Variants in PTPRN2 observed in about 807,000 individuals in gnomAD.
PTPRN2 encodes receptor-type tyrosine-protein phosphatase N2.
PTPRN2 carries 74 observed loss-of-function variants against 118.8 expected under a neutral mutation model. The ratio of observed to expected loss-of-function variants is 0.62; its 90% CI spans 0.52 to 0.76. The LOEUF (loss-of-function observed/expected upper bound fraction) is 0.76. Ranked by LOEUF, PTPRN2 falls within the 30% of genes least tolerant of loss-of-function variation. PTPRN2 has a pLI of 0.00. For missense variants in PTPRN2, 1,481 were observed against 1,394.4 expected (o/e 1.06, Z -0.99); for synonymous variants, 641 against 608.0 (o/e 1.05, Z -0.80).
rs890510884 is a variant in PTPRN2, at chr7:158,104,567, C to G, written c.1643+6262G>C. On this transcript the variant is annotated intron_variant, in intron 10 of 22. Coordinates refer to ENST00000389418, the MANE Select transcript of PTPRN2 (RefSeq NM_002847.5). ...GAGAGAGAACAGGACTGATGGAGGCCTTGTCAGTAGTGGAGGAGAGCTTGA... is the reference window on the plus strand; with the variant it reads ...GAGAGAGAACAGGACTGATGGAGGCGTTGTCAGTAGTGGAGGAGAGCTTGA... 3.9e-5 allele frequency among the ~76,000 whole-genome samples: 6 copies of G among 152,066 alleles called. No homozygotes were observed. In the East Asian group the frequency reaches 1.2e-3, roughly 29 times the overall value.
chr7:157,894,708 G>C (rs1353898852), intron 12 of PTPRN2, among the ~76,000 whole-genome samples: 1 of 152,152 alleles, frequency 6.6e-6, no homozygotes, highest in Non-Finnish European at 1.5e-5. Context: ...ATGTGGCCTT[G>C]GGGTGGATGG....
rs567681354 is a variant in PTPRN2, at chr7:157,987,826, C to G, written c.1724-89089G>C. Among the ~76,000 whole-genome samples, 11 of 152,324 alleles carry G rather than the reference C, an allele frequency of 7.2e-5. No individual in the cohort carries two copies. The South Asian group carries it at 2.3e-3, about 32-fold the overall frequency. ...GAATCTGCTTTTCAATGCAGCATCC[C>G]AGTGGGGTGGCCCCATCACTTCTGA... is the stretch of plus-strand genomic sequence containing the variant. On this transcript the variant is annotated intron_variant, in intron 11 of 22. Transcript: ENST00000389418. The surrounding 1 kb of genome is among the most constrained non-coding windows in gnomAD (Gnocchi z 4.3).
chr7:158,138,853 A>G (rs939238327), intron 6 of PTPRN2, among the ~76,000 whole-genome samples: 8 of 152,164 alleles, frequency 5.3e-5, no homozygotes, highest in African/African-American at 1.9e-4. Flanking sequence ...CAACTTCACC[A>G]TGTCCTCCAG....
chr7:157,848,527 G>T (rs73746658), intron 12 of PTPRN2, among the ~76,000 whole-genome samples: 1 of 151,852 alleles, frequency 6.6e-6, no homozygotes, highest in Non-Finnish European at 1.5e-5. Context: ...CGATATTTAC[G>T]GAGCCCTCTC....
intron 12 of PTPRN2, among the ~76,000 whole-genome samples, chr7:157,800,821 G>A (rs946893244): frequency 2.5e-4 from 38 of 151,810 alleles, no homozygotes; most frequent in African/African-American, 6.0e-4. Flanking sequence ...GTGTGGTGGC[G>A]GGCACCTGTA....
chr7:157,864,578 G>C (rs1810492331), intron 12 of PTPRN2: 1 of 152,444 alleles, frequency 6.6e-6, no homozygotes, highest in East Asian at 1.9e-4. Flanking sequence ...CCGCCACCCT[G>C]TGGTGCCTCT....
intron 3 of PTPRN2, among the ~76,000 whole-genome samples, chr7:158,298,290 T>C (rs1800638096): frequency 6.6e-6 from 1 of 152,194 alleles, no homozygotes; most frequent in Non-Finnish European, 1.5e-5. Context: ...GTCCTTTTAT[T>C]CTTATTATGA....
chr7:158,306,855 G>GT (rs61276074), intron 3 of PTPRN2, among the ~76,000 whole-genome samples: 7 of 121,432 alleles, frequency 5.8e-5, no homozygotes, highest in African/African-American at 9.5e-5. Context: ...GCTGTTTTTT[G>GT]TTTTTTTTTT....
At position 158,015,454 on chromosome 7, in the gene PTPRN2, T is replaced by TGA. The variant is rs147111668; in HGVS notation, c.1723+65842_1723+65843dup. On this transcript the variant is annotated intron_variant, in intron 11 of 22. Coordinates refer to ENST00000389418, the MANE Select transcript of PTPRN2 (RefSeq NM_002847.5). This position sits in a 1 kb window ranked among gnomAD's most constrained non-coding sequence, Gnocchi z 4.2. ...AGGGAAAAAGTGAGAGGAGGGGTGG[T>TGA]GAGAGAGAGAGAGAGAGGAAGAGAG... 2.7e-4 allele frequency among the ~76,000 whole-genome samples: 35 copies of TGA among 127,636 alleles called. No individual in the cohort carries two copies. The highest frequency in any genetic ancestry group is 3.6e-4 in the Non-Finnish European group (22 of 61,330). The allele number at this position is 127,636 out of a possible 152,430, so 83.7% of individuals were successfully genotyped here. A position where few individuals can be genotyped will look rare whatever the true frequency, so the allele number is the denominator to read the frequency against.
intron 3 of PTPRN2, among the ~76,000 whole-genome samples, chr7:158,205,525 G>C (rs1376969292): frequency 6.6e-6 from 1 of 152,180 alleles, no homozygotes; most frequent in Non-Finnish European, 1.5e-5. Flanking sequence ...AGTGGAGAAA[G>C]CTGGCCAAAT....
At chr7:157,867,371 C>T (rs374029252) in intron 12 of PTPRN2, among the ~76,000 whole-genome samples, 4 of 126,888 alleles carry the variant, frequency 3.2e-5, no homozygotes, top group Non-Finnish European at 3.3e-5. Context: ...CCCCTGACGC[C>T]CTGGATACAC....
chr7:158,324,502 G>A (rs1457063123), intron 2 of PTPRN2, among the ~76,000 whole-genome samples: 1 of 151,746 alleles, frequency 6.6e-6, no homozygotes, highest in African/African-American at 2.4e-5. Context: ...GACCAAAAAG[G>A]CTGGTGGTGG....
chr7:158,137,989 G>A (rs1261213503), intron 7 of PTPRN2, among the ~76,000 whole-genome samples: 4 of 152,194 alleles, frequency 2.6e-5, no homozygotes, highest in African/African-American at 2.4e-5. Context: ...AATATTCACC[G>A]GTACACAGTC....
At chr7:158,122,430 C>G (rs908766132) in intron 9 of PTPRN2, among the ~76,000 whole-genome samples, 5 of 152,320 alleles carry the variant, frequency 3.3e-5, no homozygotes, top group Middle Eastern at 3.4e-3. Context: ...AGCCCCGGCA[C>G]AGTGCTGGGT....
intron 2 of PTPRN2, among the ~76,000 whole-genome samples, chr7:158,321,866 C>T (rs192610856): frequency 9.8e-4 from 149 of 152,328 alleles, no homozygotes; most frequent in African/African-American, 3.4e-3. Context: ...TAAGCACAGC[C>T]GCTAACGTGT....
intron 2 of PTPRN2, among the ~76,000 whole-genome samples, chr7:158,487,093 C>T (rs773619607): frequency 6.6e-6 from 1 of 152,220 alleles, no homozygotes; most frequent in Non-Finnish European, 1.5e-5. Flanking sequence ...CATGTTTCAG[C>T]GAGTGTCAGC....
intron 11 of PTPRN2, among the ~76,000 whole-genome samples, chr7:157,931,344 G>A (rs1799347750): frequency 6.6e-6 from 1 of 152,244 alleles, no homozygotes. Context: ...GGGCCCCAGT[G>A]GGCACTGCTG....
intron 13 of PTPRN2, among the ~76,000 whole-genome samples, chr7:157,668,466 C>A (rs749725263): frequency 5.9e-5 from 9 of 152,170 alleles, no homozygotes; most frequent in Non-Finnish European, 4.4e-5. Context: ...AGGGTTATTT[C>A]GAGAGTGTAA....
chr7:157,650,652 G>A (rs576169951), intron 14 of PTPRN2, among the ~76,000 whole-genome samples: 1 of 152,338 alleles, frequency 6.6e-6, no homozygotes, highest in East Asian at 1.9e-4. Context: ...AACCACGTGG[G>A]AACGATGGAA....
Sources: allele counts gnomAD v4.1 joint callset (sites outside exome capture counted in the v4.1 genomes callset), GRCh38; gene constraint gnomAD v4.1.1; non-coding constraint Gnocchi (gnomAD v3.1); transcripts MANE v1.5; gene names NCBI Gene and HGNC (gene_info 2026-07-23, HGNC 2026-07-21).